PHF2: variants seen among roughly 807,000 people sequenced by gnomAD.
The protein encoded by PHF2 is lysine-specific demethylase PHF2.
PHF2 carries 27 observed loss-of-function variants against 120.5 expected under a neutral mutation model. The ratio of observed to expected loss-of-function variants is 0.22; its 90% CI spans 0.17 to 0.31. PHF2 has a LOEUF of 0.31. PHF2 is among the 10% of genes least tolerant of loss of function. The pLI, the probability that PHF2 is intolerant of heterozygous loss-of-function variation, is 1.00. For missense variants in PHF2, 1,024 were observed against 1,434.8 expected (o/e 0.71, Z 4.63); for synonymous variants, 568 against 592.5 (o/e 0.96, Z 0.60).
At position 93,636,486 on chromosome 9, in the gene PHF2, A is replaced by T; in HGVS notation, c.260A>T (p.Gln87Leu). Residue 87 changes from glutamine (Q) to leucine (L), a missense_variant, in exon 3 of 22, where the codon CAG (glutamine) becomes CTG (leucine). Gln to Leu is a moderately radical substitution (Grantham distance 113, BLOSUM62 -2). This residue lies in a region of PHF2 where 347 missense variants were observed against 577.4 expected (regional missense o/e 0.60). Transcript: ENST00000359246. ...PDVKPVQNGSQLFIKELRSRT... is the reference protein window; with the variant it reads ...PDVKPVQNGSLLFIKELRSRT... ...GTCAAGCCCGTGCAGAATGGCAGCC[A>T]GCTCTTCATCAAGGAGCTGCGGAGC... The T allele has an allele frequency of 6.2e-7, 1 of 1,606,360 alleles. No homozygotes were observed. Among genetic ancestry groups the T allele is most frequent in the Non-Finnish European group, 8.5e-7 (1 of 1,176,818 alleles).
intron 12 of PHF2, among the ~76,000 whole-genome samples, chr9:93,661,810 G>T (rs1326187254): frequency 6.6e-6 from 1 of 151,582 alleles, no homozygotes; most frequent in African/African-American, 2.4e-5. Context: ...GTGGATAGAT[G>T]AAAGAATGGT....
chr9:93,646,903 G>A (rs1006962531), intron 4 of PHF2, among the ~76,000 whole-genome samples: 1 of 152,180 alleles, frequency 6.6e-6, no homozygotes, highest in African/African-American at 2.4e-5. Context: ...ATGCACAGGG[G>A]CTGATTCTGT....
At chr9:93,638,620 A>T (rs1352552263) in intron 3 of PHF2, among the ~76,000 whole-genome samples, 1 of 152,222 alleles carries the variant, frequency 6.6e-6, no homozygotes, top group Non-Finnish European at 1.5e-5. Flanking sequence ...ATTCTATTCC[A>T]CTAATCTATA....
intron 3 of PHF2, among the ~76,000 whole-genome samples, chr9:93,637,078 G>C (rs866979510): frequency 6.6e-6 from 1 of 152,256 alleles, no homozygotes; most frequent in Non-Finnish European, 1.5e-5. Context: ...ATGAGCTGGA[G>C]TCAGTTTCTG....
chr9:93,628,790 T>G (rs1016064573), intron 1 of PHF2, among the ~76,000 whole-genome samples: 1 of 152,228 alleles, frequency 6.6e-6, no homozygotes, highest in Non-Finnish European at 1.5e-5. Context: ...GTTTGTTTGC[T>G]GCATTCTTCT....
chr9:93,655,527 G>C (rs537206426), intron 7 of PHF2, among the ~76,000 whole-genome samples: 1 of 152,336 alleles, frequency 6.6e-6, no homozygotes, highest in East Asian at 1.9e-4. Context: ...CCTGAGTGTG[G>C]TTGGGAGGCC....
chr9:93,599,948 T>C (rs542039856), intron 1 of PHF2, among the ~76,000 whole-genome samples: 4 of 152,258 alleles, frequency 2.6e-5, no homozygotes, highest in African/African-American at 7.2e-5. Flanking sequence ...CCAAGAAAGA[T>C]AGGACGTCCA....
In PHF2 at chr9:93,677,727, G is replaced by A. The variant is rs752936273; in HGVS notation, c.*51G>A. 20 of 1,415,148 alleles carry A rather than the reference G, an allele frequency of 1.4e-5. No homozygotes were observed. Among genetic ancestry groups the A allele is most frequent in the South Asian group, 8.2e-5 (7 of 84,918 alleles). 87.7% of individuals were successfully genotyped at this position (1,415,148 alleles called of 1,614,324 possible). A position where few individuals can be genotyped will look rare whatever the true frequency, so the allele number is the denominator to read the frequency against. ...CTCCGCTCAGGACCCCCGGAGCCCC[G>A]CGAAAACATCTGCCTCCCAGGAGGG... On this transcript the variant is annotated 3_prime_UTR_variant, in exon 22 of 22. Coordinates refer to ENST00000359246, the MANE Select transcript of PHF2 (RefSeq NM_005392.4). This position sits in a 1 kb window ranked among gnomAD's most constrained non-coding sequence, Gnocchi z 4.4.
intron 3 of PHF2, among the ~76,000 whole-genome samples, chr9:93,637,544 T>C (rs900960873): frequency 3.3e-5 from 5 of 152,230 alleles, no homozygotes; most frequent in African/African-American, 1.2e-4. Flanking sequence ...TAAATGGAGT[T>C]CTACAACAAG....
In PHF2 at chr9:93,659,581, A is replaced by C. The variant is rs1033716056; in HGVS notation, c.1310A>C (p.Lys437Thr). 2 of 1,614,062 alleles carry C rather than the reference A, an allele frequency of 1.2e-6. No homozygotes were observed. Among genetic ancestry groups the C allele is most frequent in the Non-Finnish European group, 1.7e-6 (2 of 1,179,984 alleles). ...TCACAGCTAATCAAAGACCTGGCCAAAGAGATCCGGCTCAGTGAGGTGGGG... is the reference window on the plus strand; with the variant it reads ...TCACAGCTAATCAAAGACCTGGCCACAGAGATCCGGCTCAGTGAGGTGGGG... ...KPSQLIKDLAKEIRLSENASK... is the reference protein window; with the variant it reads ...KPSQLIKDLATEIRLSENASK... The change falls in exon 11 of 22, where the codon AAA (lysine) becomes ACA (threonine). Residue 437 changes from lysine to threonine, a missense_variant. Lys to Thr is a moderately conservative substitution (Grantham distance 78, BLOSUM62 -1). Around this residue, in one of 2 missense-constraint regions of PHF2, gnomAD observed 677 missense variants for 857.4 expected, o/e 0.79. Transcript: ENST00000359246.
intron 20 of PHF2, 31 bp from the exon 21 acceptor site, chr9:93,676,563 T>G: frequency 6.4e-7 from 1 of 1,563,058 alleles, no homozygotes; most frequent in Non-Finnish European, 8.7e-7. Context: ...GGGCTGTGCG[T>G]CTGAGGCTGC....
In PHF2 at chr9:93,576,744, C is replaced by T; in HGVS notation, c.-30C>T. The stretch of plus-strand genomic sequence containing the variant: ...CGGACCGACCCGGGCAGCGCAGCGG[C>T]GGGGCCGAGCGGCGGCGCGGCGCGG... On this transcript the variant is annotated 5_prime_UTR_variant, in exon 1 of 22. Transcript: ENST00000359246. 1.8e-6 allele frequency: 2 copies of T among 1,126,028 alleles called. No homozygotes were observed. The highest frequency in any genetic ancestry group is 1.1e-6 in the Non-Finnish European group (1 of 891,742). 69.8% of individuals were successfully genotyped at this position (1,126,028 alleles called of 1,614,324 possible).
At chr9:93,622,941 G>A (rs1026938630) in intron 1 of PHF2, among the ~76,000 whole-genome samples, 1 of 152,220 alleles carries the variant, frequency 6.6e-6, no homozygotes, top group African/African-American at 2.4e-5. Flanking sequence ...AGGCAGGTGT[G>A]TGTGATGGGC....
At chr9:93,597,427 G>C (rs1564375503) in intron 1 of PHF2, among the ~76,000 whole-genome samples, 1 of 152,106 alleles carries the variant, frequency 6.6e-6, no homozygotes, top group Non-Finnish European at 1.5e-5. Flanking sequence ...GAGGGAGACT[G>C]TGCAGGTAGC....
chr9:93,634,763 G>T (rs1271664564), intron 2 of PHF2, among the ~76,000 whole-genome samples: 1 of 152,216 alleles, frequency 6.6e-6, no homozygotes, highest in Non-Finnish European at 1.5e-5. Context: ...TGTGTGCTGG[G>T]CCCAGTACTG....
Position 93,642,410 on chromosome 9 carries a change from A to T in PHF2, c.300-3219A>T, listed in dbSNP as rs75222852. Among the ~76,000 whole-genome samples, 559 of 152,332 alleles carry T rather than the reference A, an allele frequency of 3.7e-3. 27 individuals carry two copies. In the East Asian group the frequency reaches 0.099, roughly 27 times the overall value. On this transcript the variant is annotated intron_variant, in intron 3 of 21. Coordinates refer to ENST00000359246, the MANE Select transcript of PHF2 (RefSeq NM_005392.4). The stretch of plus-strand genomic sequence containing the variant: ...TTCTTCTAAGTTTGATTTCCTTCTT[A>T]TAGAATTATATCTTTTAGTTATTTC...
At chr9:93,617,163 C>G (rs1446325436) in intron 1 of PHF2, among the ~76,000 whole-genome samples, 1 of 152,172 alleles carries the variant, frequency 6.6e-6, no homozygotes, top group Non-Finnish European at 1.5e-5. Context: ...CCTGGCTGGG[C>G]TTCTGTGCTG....
intron 1 of PHF2, among the ~76,000 whole-genome samples, chr9:93,593,097 A>G (rs867771810): frequency 7.6e-5 from 6 of 79,226 alleles, no homozygotes; most frequent in South Asian, 5.7e-4. Flanking sequence ...AAAAAAAAAA[A>G]AAAAAAAAAA....
chr9:93,658,542 AGGTG>A (rs948503846), intron 10 of PHF2, among the ~76,000 whole-genome samples: 4 of 152,122 alleles, frequency 2.6e-5, no homozygotes, highest in African/African-American at 9.7e-5. Context: ...GAGGGTGACC[AGGTG>A]CTGGTGTGTC....
Sources: gnomAD v4.1 joint callset for allele counts (sites outside exome capture counted in the v4.1 genomes callset) on GRCh38, gnomAD v4.1.1 for gene constraint, gnomAD v4.1.1 regional missense constraint, Gnocchi (gnomAD v3.1) non-coding constraint, MANE v1.5 for transcripts, NCBI Gene and HGNC (gene_info 2026-07-23, HGNC 2026-07-21) for gene names.